Variants in IL1RAPL2 observed in about 807,000 individuals in gnomAD.
The protein encoded by IL1RAPL2 is interleukin 1 receptor accessory protein like 2, also known as X-linked interleukin-1 receptor accessory protein-like 2.
Under a neutral mutation model 44.1 loss-of-function variants are expected in IL1RAPL2, and 3 were observed. The observed-to-expected ratio is 0.07, with a 90% CI of 0.03 to 0.18. The LOEUF is 0.18. IL1RAPL2 is among the 10% of genes least tolerant of loss of function. The pLI is 1.00. For missense variants in IL1RAPL2, 391 were observed against 496.4 expected, an observed-to-expected ratio of 0.79 and a Z score of 2.02; for synonymous variants, 181 against 178.8, an observed-to-expected ratio of 1.01 and a Z score of -0.10.
At chrX:104,849,107 T>C (rs2147640697) in intron 2 of IL1RAPL2, among the ~76,000 whole-genome samples, 1 of 109,103 alleles carries the variant, frequency 9.2e-6, no homozygotes, top group East Asian at 2.9e-4. Context: ...TGTTTTGAGG[T>C]CAGCCTCCAT....
intron 5 of IL1RAPL2, among the ~76,000 whole-genome samples, chrX:105,438,917 G>A (rs1297767129): frequency 1.8e-5 from 2 of 110,761 alleles, no homozygotes; most frequent in African/African-American, 6.6e-5. Context: ...CTGTCAGGGA[G>A]GGACCTGGTG....
At chrX:105,529,734 C>T (rs967843038) in intron 6 of IL1RAPL2, among the ~76,000 whole-genome samples, 1 of 111,589 alleles carries the variant, frequency 9.0e-6, no homozygotes, top group African/African-American at 3.3e-5. Flanking sequence ...AGCTTCATTC[C>T]GCCTGTCTCT....
intron 2 of IL1RAPL2, among the ~76,000 whole-genome samples, chrX:104,662,641 C>T (rs765239149): frequency 7.2e-5 from 8 of 111,344 alleles, no homozygotes; most frequent in South Asian, 3.8e-4. Context: ...AATTACTCTT[C>T]CTCAAGAAGT....
At chrX:105,011,392 C>G (rs919227501) in intron 2 of IL1RAPL2, among the ~76,000 whole-genome samples, 5 of 110,727 alleles carry the variant, frequency 4.5e-5, no homozygotes, top group Non-Finnish European at 7.6e-5. Context: ...AACTTATATA[C>G]CATAAAAACC....
At position 105,002,889 on chromosome X, in the gene IL1RAPL2, T is replaced by C. The variant is rs756414579; in HGVS notation, c.83-192586T>C. Among the ~76,000 whole-genome samples the C allele has an allele frequency of 6.3e-5, 7 of 111,704 alleles. No individual in the cohort carries two copies. The East Asian group carries it at 1.7e-3, about 27-fold the overall frequency. On this transcript the variant is annotated intron_variant, in intron 2 of 10. Transcript: ENST00000372582. ...TAAACACCATCATAATATTATGTCA[T>C]GCATAATTTATTATTGAAATCCTGT...
Position 104,797,201 on chromosome X carries a change from C to G in IL1RAPL2, c.82+138206C>G, listed in dbSNP as rs923866677. Reference sequence around the variant, plus strand: ...ATCTCTTCAGCCCCCCCCCCCCCCCCGCAAAGTAATGTTTGCTATGACAGA... The same window carrying G: ...ATCTCTTCAGCCCCCCCCCCCCCCCGGCAAAGTAATGTTTGCTATGACAGA... On this transcript the variant is annotated intron_variant, in intron 2 of 10. Transcript: ENST00000372582. 3.9e-3 allele frequency among the ~76,000 whole-genome samples: 184 copies of G among 46,950 alleles called. 11 individuals carry two copies. Among genetic ancestry groups the G allele is most frequent in the South Asian group, 7.0e-3 (3 of 428 alleles). 40.8% of individuals were successfully genotyped at this position (46,950 alleles called of 115,157 possible).
intron 2 of IL1RAPL2, among the ~76,000 whole-genome samples, chrX:104,689,629 G>T (rs777230235): frequency 1.8e-5 from 2 of 111,853 alleles, no homozygotes; most frequent in African/African-American, 3.3e-5. Context: ...TTGAGTTTCT[G>T]TGCCATATTT....
Position 105,053,571 on chromosome X carries a change from A to G in IL1RAPL2, c.83-141904A>G, listed in dbSNP as rs190411665. Reference sequence around the variant, plus strand: ...ATTTATACCTAAGAAAACAGAGTCTAGAACCTCCTCCTCCCACACACCCTG... The same window carrying G: ...ATTTATACCTAAGAAAACAGAGTCTGGAACCTCCTCCTCCCACACACCCTG... On this transcript the variant is annotated intron_variant, in intron 2 of 10. Coordinates refer to ENST00000372582, the MANE Select transcript of IL1RAPL2 (RefSeq NM_017416.2). Among the ~76,000 whole-genome samples the G allele has an allele frequency of 9.9e-5, 11 of 111,567 alleles. No homozygotes were observed. The Admixed American group carries it at 1.0e-3, about 11-fold the overall frequency.
At chrX:104,636,462 A>T (rs146755036) in intron 1 of IL1RAPL2, among the ~76,000 whole-genome samples, 3,479 of 112,280 alleles carry the variant, frequency 0.031, 153 homozygotes, top group African/African-American at 0.11. Context: ...AGATGCAGGC[A>T]GGTCTCCTTG....
chrX:105,407,148 G>T, intron 5 of IL1RAPL2: 1 of 387,378 alleles, frequency 2.6e-6, no homozygotes, highest in South Asian at 3.4e-5. Flanking sequence ...ACACTGTAAG[G>T]AAATTAAAAA....
intron 5 of IL1RAPL2, among the ~76,000 whole-genome samples, chrX:105,332,658 A>G (rs2034996053): frequency 8.9e-6 from 1 of 112,168 alleles, no homozygotes; most frequent in Non-Finnish European, 1.9e-5. Context: ...TAATAAACAA[A>G]TTCAGTTAAG....
intron 5 of IL1RAPL2, among the ~76,000 whole-genome samples, chrX:105,421,689 A>G (rs1364179092): frequency 9.0e-6 from 1 of 111,479 alleles, no homozygotes; most frequent in Non-Finnish European, 1.9e-5. Flanking sequence ...AATCAATATA[A>G]GGCACATTAC....
intron 2 of IL1RAPL2, among the ~76,000 whole-genome samples, chrX:104,993,621 T>C (rs1408529789): frequency 1.8e-5 from 2 of 111,651 alleles, no homozygotes; most frequent in African/African-American, 3.2e-5. Context: ...GAAGTGCAGA[T>C]AGGACTTATT....
intron 6 of IL1RAPL2, among the ~76,000 whole-genome samples, chrX:105,671,518 C>T (rs1005626007): frequency 1.8e-5 from 2 of 111,433 alleles, no homozygotes; most frequent in African/African-American, 3.3e-5. Flanking sequence ...CTTCCAGCAA[C>T]GTATTGACTA....
At chrX:105,225,272 C>T (rs2034002750) in intron 3 of IL1RAPL2, among the ~76,000 whole-genome samples, 1 of 112,015 alleles carries the variant, frequency 8.9e-6, no homozygotes, top group African/African-American at 3.2e-5. Flanking sequence ...TTATAGTTTG[C>T]TTTGAATTCA....
At chrX:105,533,819 A>ATGT (rs1489474355) in intron 6 of IL1RAPL2, among the ~76,000 whole-genome samples, 1 of 111,762 alleles carries the variant, frequency 8.9e-6, no homozygotes, top group Non-Finnish European at 1.9e-5. Context: ...TGTGGAATGG[A>ATGT]TGTGCTACAG....
rs142655603 is a variant in IL1RAPL2 at position 104,969,522 on chromosome X, A to G, written c.83-225953A>G. Among the ~76,000 whole-genome samples, 584 of 112,052 alleles carry G rather than the reference A, an allele frequency of 5.2e-3. 8 individuals carry two copies. Among genetic ancestry groups the G allele is most frequent in the Admixed American group, 0.031 (326 of 10,571 alleles). On this transcript the variant is annotated intron_variant, in intron 2 of 10. Transcript: ENST00000372582. ...AAATATTAATTCATTTTACTATAAT[A>G]GAAGTAAAATATTCTGATCATCAAA...
chrX:104,899,027 G>A (rs1041652941), intron 2 of IL1RAPL2, among the ~76,000 whole-genome samples: 4 of 112,020 alleles, frequency 3.6e-5, no homozygotes, highest in South Asian at 3.7e-4. Flanking sequence ...AGATTAAGTC[G>A]TAGTATTGCT....
intron 5 of IL1RAPL2, among the ~76,000 whole-genome samples, chrX:105,324,807 C>T (rs1473433823): frequency 5.4e-5 from 6 of 111,480 alleles, no homozygotes; most frequent in South Asian, 3.7e-4. Flanking sequence ...TGTATAGGTA[C>T]GTAAAATGTC....
Sources: allele counts gnomAD v4.1 joint callset (sites outside exome capture counted in the v4.1 genomes callset), GRCh38; gene constraint gnomAD v4.1.1; transcripts MANE v1.5; gene names NCBI Gene and HGNC (gene_info 2026-07-23, HGNC 2026-07-21).